The following AUTS2 variants were observed in gnomAD, a reference collection of about 807,000 sequenced individuals.
The protein encoded by AUTS2 is autism susceptibility gene 2 protein.
A neutral mutation model predicts 112.4 loss-of-function variants in AUTS2; 17 were observed. The observed-to-expected ratio is 0.15, with a 90% confidence interval of 0.10 to 0.23. The LOEUF is 0.23. Ranked by LOEUF, AUTS2 falls within the 10% of genes least tolerant of loss-of-function variation. The pLI is 1.00. For synonymous variants in AUTS2, 751 were observed against 702.7 expected (o/e 1.07, Z -1.09); for missense variants, 1,510 against 1,701.6 (o/e 0.89, Z 1.98).
chr7:70,156,938 G>A (rs1392178677), intron 4 of AUTS2, among the ~76,000 whole-genome samples: 1 of 128,474 alleles, frequency 7.8e-6, no homozygotes, highest in Admixed American at 8.0e-5. Flanking sequence ...TTAGCTGGGC[G>A]TGGTGGCAGG....
intron 5 of AUTS2, among the ~76,000 whole-genome samples, chr7:70,641,907 G>A (rs988804828): frequency 2.0e-5 from 3 of 152,134 alleles, no homozygotes; most frequent in South Asian, 2.1e-4. Flanking sequence ...CAATAATACC[G>A]AATATTCTAT....
intron 6 of AUTS2, among the ~76,000 whole-genome samples, chr7:70,730,850 C>A (rs572848474): frequency 2.4e-4 from 36 of 152,344 alleles, no homozygotes; most frequent in Admixed American, 7.8e-4. Flanking sequence ...AGTGACTGCT[C>A]AGTTTTTCAT....
intron 2 of AUTS2, among the ~76,000 whole-genome samples, chr7:70,023,808 A>G (rs954549840): frequency 4.6e-5 from 7 of 152,352 alleles, no homozygotes; most frequent in African/African-American, 1.7e-4. Context: ...CAGGCCAAGC[A>G]AATACAGTTT....
intron 5 of AUTS2, among the ~76,000 whole-genome samples, chr7:70,550,105 A>G (rs946120677): frequency 3.3e-5 from 5 of 152,216 alleles, no homozygotes; most frequent in African/African-American, 7.2e-5. Flanking sequence ...TAAATATCCC[A>G]TGTATATTTC....
rs549228037 is a variant in AUTS2 at position 69,920,313 on chromosome 7, G to GA, written c.522+20816dup. Among the ~76,000 whole-genome samples, 276 of 151,296 alleles carry GA rather than the reference G, an allele frequency of 1.8e-3. 1 individual carries two copies. Among genetic ancestry groups the GA allele is most frequent in the Non-Finnish European group, 3.2e-3 (216 of 67,866 alleles). ...TTTCTTTCTTTTATTTTTTTTTAGA[G>GA]AGGGGGTCTTGCTTTGTCACTCAGG... On this transcript the variant is annotated intron_variant, in intron 2 of 18. Coordinates refer to ENST00000342771, the MANE Select transcript of AUTS2 (RefSeq NM_015570.4).
rs548956877 is a variant in AUTS2, at chr7:70,009,062, G to A, written c.523-109070G>A. 4.6e-5 allele frequency among the ~76,000 whole-genome samples: 7 copies of A among 152,300 alleles called. No individual in the cohort carries two copies. The South Asian group carries it at 1.4e-3, about 32-fold the overall frequency. ...TGTTGCTATAAAAGAATACCTGAGA[G>A]TGGCTCATGGTTTTGGAGGCTGGAA... is the stretch of plus-strand genomic sequence containing the variant. On this transcript the variant is annotated intron_variant, in intron 2 of 18. Transcript: ENST00000342771.
At chr7:70,072,531 T>C (rs1434494633) in intron 2 of AUTS2, among the ~76,000 whole-genome samples, 1 of 152,192 alleles carries the variant, frequency 6.6e-6, no homozygotes, top group African/African-American at 2.4e-5. Flanking sequence ...CTGAAAGTAA[T>C]GTGCTGACAT....
Position 70,079,430 on chromosome 7 carries a change from A to G in AUTS2, c.523-38702A>G, listed in dbSNP as rs1803194792. ...GACAGGAGAATTACTTAAACCCAGG[A>G]GATGGAGGTTACAGTGAGCTGAGAT... On this transcript the variant is annotated intron_variant, in intron 2 of 18. Transcript: ENST00000342771. Among the ~76,000 whole-genome samples the G allele has an allele frequency of 3.3e-5, 5 of 152,252 alleles. 1 individual carries two copies. The South Asian group carries it at 1.0e-3, about 32-fold the overall frequency.
chr7:70,033,192 A>G (rs971593051), intron 2 of AUTS2, among the ~76,000 whole-genome samples: 5 of 152,206 alleles, frequency 3.3e-5, no homozygotes, highest in African/African-American at 1.2e-4. Flanking sequence ...TATGTATGCA[A>G]ATTACATCTT....
At chr7:69,869,694 TG>T (rs57043015) in intron 1 of AUTS2, among the ~76,000 whole-genome samples, 11,549 of 152,124 alleles carry the variant, frequency 0.076, 591 homozygotes, top group African/African-American at 0.14. Context: ...GACTCAATGA[TG>T]GGGTAAGGAG....
At chr7:69,976,846 T>C (rs570666228) in intron 2 of AUTS2, among the ~76,000 whole-genome samples, 8 of 152,208 alleles carry the variant, frequency 5.3e-5, no homozygotes, top group African/African-American at 7.2e-5. Context: ...TTTAACCTTT[T>C]TTCGGGCATA....
At chr7:70,705,361 T>A (rs113221527) in intron 6 of AUTS2, among the ~76,000 whole-genome samples, 195 of 152,288 alleles carry the variant, frequency 1.3e-3, no homozygotes, top group African/African-American at 4.6e-3. Flanking sequence ...AGTAATCCGC[T>A]CCGTGCATTT....
At chr7:69,807,173 C>T (rs1017167780) in intron 1 of AUTS2, among the ~76,000 whole-genome samples, 5 of 152,176 alleles carry the variant, frequency 3.3e-5, no homozygotes, top group Middle Eastern at 3.4e-3. Context: ...TGTTTCCAGT[C>T]GTTTTTCCTC....
intron 4 of AUTS2, among the ~76,000 whole-genome samples, chr7:70,326,187 A>ATT (rs1327372704): frequency 2.6e-5 from 4 of 151,832 alleles, no homozygotes; most frequent in Non-Finnish European, 5.9e-5. Flanking sequence ...GGCTTTCCTG[A>ATT]TTGTCTGTCC....
At chr7:69,803,176 T>A (rs1249788090) in intron 1 of AUTS2, among the ~76,000 whole-genome samples, 2 of 152,222 alleles carry the variant, frequency 1.3e-5, no homozygotes. Context: ...TACCTGCATT[T>A]CATAGTCTTC....
At chr7:70,162,228 C>T (rs1023384495) in intron 4 of AUTS2, among the ~76,000 whole-genome samples, 15 of 151,542 alleles carry the variant, frequency 9.9e-5, no homozygotes, top group African/African-American at 3.4e-4. Context: ...GGGCGGATCA[C>T]GAGGTCAGGA....
chr7:70,268,145 A>C (rs1787523790), intron 4 of AUTS2, among the ~76,000 whole-genome samples: 1 of 152,168 alleles, frequency 6.6e-6, no homozygotes, highest in African/African-American at 2.4e-5. Flanking sequence ...TGCACCATAC[A>C]TCTGACTCCT....
intron 2 of AUTS2, among the ~76,000 whole-genome samples, chr7:69,932,860 C>T (rs1796275162): frequency 2.0e-5 from 3 of 152,212 alleles, no homozygotes; most frequent in South Asian, 4.1e-4. Context: ...TCTAGAGCTA[C>T]TATTTTAGCA....
intron 6 of AUTS2, chr7:70,699,257 A>T (rs10267150): frequency 6.6e-6 from 1 of 152,200 alleles, no homozygotes; most frequent in Non-Finnish European, 1.5e-5. Flanking sequence ...AAGGAAATTT[A>T]GGGGAGTCTG....
Sources: gnomAD v4.1 joint callset for allele counts (sites outside exome capture counted in the v4.1 genomes callset) on GRCh38, gnomAD v4.1.1 for gene constraint, MANE v1.5 for transcripts, NCBI Gene and HGNC (gene_info 2026-07-23, HGNC 2026-07-21) for gene names.